Variants in ZNF385B observed in about 807,000 individuals in gnomAD.
The protein encoded by ZNF385B is zinc finger protein 385B.
Under a neutral mutation model 39.2 loss-of-function variants are expected in ZNF385B, and 23 were observed. The ratio of observed to expected loss-of-function variants is 0.59; its 90% confidence interval spans 0.42 to 0.83. ZNF385B has a LOEUF of 0.83. Ranked by LOEUF, ZNF385B falls within the 40% of genes least tolerant of loss-of-function variation. The pLI is 0.00. For missense variants in ZNF385B, 552 were observed against 598.9 expected (o/e 0.92, Z 0.82); for synonymous variants, 205 against 222.6 (o/e 0.92, Z 0.70).
intron 3 of ZNF385B, among the ~76,000 whole-genome samples, chr2:179,761,263 G>C (rs1474586794): frequency 6.6e-6 from 1 of 152,048 alleles, no homozygotes; most frequent in Non-Finnish European, 1.5e-5. Context: ...GCATAATCTT[G>C]TCTATGTCTA....
At chr2:179,771,460 C>A (rs1315425370) in intron 1 of ZNF385B, among the ~76,000 whole-genome samples, 1 of 152,128 alleles carries the variant, frequency 6.6e-6, no homozygotes, top group South Asian at 2.1e-4. Context: ...CCTGATAATG[C>A]CATTTTAAAG....
intron 3 of ZNF385B, among the ~76,000 whole-genome samples, chr2:179,765,695 C>G (rs1179606475): frequency 6.6e-6 from 1 of 152,138 alleles, no homozygotes; most frequent in African/African-American, 2.4e-5. Flanking sequence ...AGCCTCAGGT[C>G]CATCTGCCCA....
At chr2:179,478,280 G>GT (rs11397470) in intron 6 of ZNF385B, among the ~76,000 whole-genome samples, 39,356 of 152,044 alleles carry the variant, frequency 0.26, 5,290 homozygotes, top group East Asian at 0.38. Context: ...TAGGTTGAAA[G>GT]TTTTTGAGGG....
chr2:179,758,901 A>C (rs989717540), intron 3 of ZNF385B, among the ~76,000 whole-genome samples: 1 of 152,184 alleles, frequency 6.6e-6, no homozygotes, highest in Non-Finnish European at 1.5e-5. Context: ...AATCATAATT[A>C]AAAAAACATT....
In ZNF385B at chr2:179,683,207, G is replaced by A. The variant is rs1326001696; in HGVS notation, c.298+86296C>T. 1.8e-4 allele frequency among the ~76,000 whole-genome samples: 25 copies of A among 137,182 alleles called. No homozygotes were observed. The East Asian group carries it at 7.0e-3, about 38-fold the overall frequency. 90.0% of individuals were successfully genotyped at this position (137,182 alleles called of 152,430 possible). On this transcript the variant is annotated intron_variant, in intron 3 of 9. Transcript: ENST00000410066. ...GTTCGAAACCAGCCTGGCCAACACG[G>A]TGAAACCCTGTCTGTACTAAAAATA...
chr2:179,718,950 CTGTG>C (rs150262834), intron 3 of ZNF385B, among the ~76,000 whole-genome samples: 7 of 150,016 alleles, frequency 4.7e-5, no homozygotes, highest in Non-Finnish European at 8.9e-5. Context: ...CTTTAAAACT[CTGTG>C]TGTGTGTGTG....
At chr2:179,478,511 A>G (rs1426524331) in intron 6 of ZNF385B, among the ~76,000 whole-genome samples, 2 of 152,192 alleles carry the variant, frequency 1.3e-5, no homozygotes, top group African/African-American at 4.8e-5. Flanking sequence ...AGGTGTTTCT[A>G]TTGTTATATT....
intron 5 of ZNF385B, among the ~76,000 whole-genome samples, chr2:179,511,512 A>T (rs1302671422): frequency 6.6e-6 from 1 of 152,216 alleles, no homozygotes; most frequent in East Asian, 1.9e-4. Context: ...GAGATGACAG[A>T]CACAAAATGC....
intron 3 of ZNF385B, among the ~76,000 whole-genome samples, chr2:179,631,826 T>G (rs1170833577): frequency 6.6e-6 from 1 of 151,522 alleles, no homozygotes; most frequent in Non-Finnish European, 1.5e-5. Context: ...TGGAGGAAGA[T>G]CTACCAGGCA....
intron 3 of ZNF385B, among the ~76,000 whole-genome samples, chr2:179,546,306 G>T (rs2105912286): frequency 6.6e-6 from 1 of 152,190 alleles, no homozygotes; most frequent in Non-Finnish European, 1.5e-5. Flanking sequence ...CAAAGTGCTG[G>T]AATTACAGGT....
intron 1 of ZNF385B, among the ~76,000 whole-genome samples, chr2:179,849,917 T>A (rs1449345402): frequency 6.6e-6 from 1 of 152,290 alleles, no homozygotes; most frequent in South Asian, 2.1e-4. Flanking sequence ...TCAGCTGTGA[T>A]GGGTATGCAG....
chr2:179,476,157 A>G (rs2053429031), intron 6 of ZNF385B, among the ~76,000 whole-genome samples: 1 of 152,126 alleles, frequency 6.6e-6, no homozygotes, highest in Non-Finnish European at 1.5e-5. Context: ...TATGTCATGT[A>G]AGAGAATTCT....
intron 4 of ZNF385B, among the ~76,000 whole-genome samples, chr2:179,525,172 T>C (rs898516315): frequency 6.6e-6 from 1 of 151,924 alleles, no homozygotes; most frequent in Non-Finnish European, 1.5e-5. Context: ...GAATCATGAG[T>C]GTATTGCATC....
rs1244534523 is a variant in ZNF385B at position 179,720,444 on chromosome 2, AGAGGG to A, written c.298+49054_298+49058del. Among the ~76,000 whole-genome samples the A allele has an allele frequency of 6.9e-4, 63 of 90,824 alleles. 1 individual carries two copies. Among genetic ancestry groups the A allele is most frequent in the African/African-American group, 2.6e-3 (61 of 23,534 alleles). 59.6% of individuals were successfully genotyped at this position (90,824 alleles called of 152,430 possible). A position where few individuals can be genotyped will look rare whatever the true frequency, so the allele number is the denominator to read the frequency against. On this transcript the variant is annotated intron_variant, in intron 3 of 9. Transcript: ENST00000410066. ...AGGGGAAAGGAAAGGAGAGCAGGGGAGAGGGGAGGGGAGGGGAGAGGAAAGGAGAG... is the reference window on the plus strand; with the variant it reads ...AGGGGAAAGGAAAGGAGAGCAGGGGAGAGGGGAGGGGAGAGGAAAGGAGAG...
intron 6 of ZNF385B, among the ~76,000 whole-genome samples, chr2:179,457,308 T>G (rs945907344): frequency 3.3e-5 from 5 of 152,174 alleles, no homozygotes; most frequent in African/African-American, 1.2e-4. Context: ...GTTTTCAGTT[T>G]TTGGCCATTT....
chr2:179,493,768 CATATATGTATAT>C (rs1477296990), intron 5 of ZNF385B, among the ~76,000 whole-genome samples: 1 of 86,218 alleles, frequency 1.2e-5, no homozygotes, highest in Admixed American at 1.1e-4. Context: ...TATATGTATA[CATATATGTATAT>C]ACACATATGT....
At chr2:179,711,881 ATTTTTTTTTTTT>A (rs747336802) in intron 3 of ZNF385B, among the ~76,000 whole-genome samples, 1 of 90,930 alleles carries the variant, frequency 1.1e-5, no homozygotes. Flanking sequence ...TATAAACTGC[ATTTTTTTTTTTT>A]TTTTTTTTTT....
At chr2:179,739,619 C>A (rs1575395382) in intron 3 of ZNF385B, among the ~76,000 whole-genome samples, 1 of 152,144 alleles carries the variant, frequency 6.6e-6, no homozygotes, top group East Asian at 1.9e-4. Context: ...TGTAGGTTTA[C>A]CTTAAACACG....
At chr2:179,771,465 T>C (rs1704008327) in intron 1 of ZNF385B, among the ~76,000 whole-genome samples, 1 of 152,220 alleles carries the variant, frequency 6.6e-6, no homozygotes, top group Admixed American at 6.5e-5. Flanking sequence ...TAATGCCATT[T>C]TAAAGAACTC....
Sources: allele counts gnomAD v4.1 joint callset (sites outside exome capture counted in the v4.1 genomes callset), GRCh38; gene constraint gnomAD v4.1.1; transcripts MANE v1.5; gene names NCBI Gene and HGNC (gene_info 2026-07-23, HGNC 2026-07-21).